Variants in GPBP1L1 observed in about 807,000 individuals in gnomAD.
The protein encoded by GPBP1L1 is GC-rich promoter binding protein 1 like 1.
In GPBP1L1, 23 loss-of-function variants were observed where a neutral mutation model predicts 52.5. That is an observed-to-expected ratio of 0.44 (90% CI 0.32 to 0.62). GPBP1L1 has a LOEUF of 0.62. GPBP1L1 is among the 20% of genes least tolerant of loss of function. The pLI is 0.06. For missense variants in GPBP1L1, 596 were observed against 579.3 expected (o/e 1.03, Z -0.30); for synonymous variants, 243 against 203.1 (o/e 1.20, Z -1.67).
intron 7 of GPBP1L1, among the ~76,000 whole-genome samples, chr1:45,641,274 G>A (rs1335074497): frequency 6.6e-6 from 1 of 152,086 alleles, no homozygotes; most frequent in Non-Finnish European, 1.5e-5. Context: ...GTCTAATGAA[G>A]AAACCAGGAG....
intron 8 of GPBP1L1, among the ~76,000 whole-genome samples, chr1:45,636,729 G>A (rs1204727258): frequency 2.0e-5 from 3 of 152,218 alleles, no homozygotes; most frequent in East Asian, 3.8e-4. Flanking sequence ...GTCAAGAAGA[G>A]TTTAGCAAAA....
In GPBP1L1 at chr1:45,686,471, C is replaced by G. The variant is rs549269584; in HGVS notation, c.-1202G>C. On this transcript the variant is annotated 5_prime_UTR_variant, in exon 1 of 13. Transcript: ENST00000355105. ...GCTGCGTCTGAGGACGCGTCCCCAGCTTGTCGACCCGGCAGAGGCGGCTAG... is the reference window on the plus strand; with the variant it reads ...GCTGCGTCTGAGGACGCGTCCCCAGGTTGTCGACCCGGCAGAGGCGGCTAG... The G allele has an allele frequency of 1.3e-5, 2 of 152,490 alleles. No homozygotes were observed. The highest frequency in any genetic ancestry group is 3.9e-4 in the East Asian group (2 of 5,186). The allele number at this position is 152,490 out of a possible 1,614,324, so 9.4% of individuals were successfully genotyped here. A position where few individuals can be genotyped will look rare whatever the true frequency, so the allele number is the denominator to read the frequency against.
At chr1:45,665,971 A>C (rs1557715785) in intron 2 of GPBP1L1, among the ~76,000 whole-genome samples, 2 of 151,920 alleles carry the variant, frequency 1.3e-5, no homozygotes, top group African/African-American at 4.8e-5. Context: ...CCCTGCTCAA[A>C]AAGTTCTGAT....
intron 4 of GPBP1L1, 137 bp from the exon 5 acceptor site, chr1:45,655,456 C>T (rs890861250): frequency 3.3e-6 from 3 of 908,214 alleles, no homozygotes; most frequent in African/African-American, 1.7e-5. Flanking sequence ...CATATGGACC[C>T]TAAGGGTACC....
intron 8 of GPBP1L1, among the ~76,000 whole-genome samples, chr1:45,638,865 G>GA (rs1001715175): frequency 5.3e-5 from 8 of 152,016 alleles, no homozygotes; most frequent in African/African-American, 1.7e-4. Context: ...CCGGGTAAGA[G>GA]AAAAAAGGGG....
chr1:45,655,845 C>A (rs1353379546), intron 4 of GPBP1L1: 1 of 153,880 alleles, frequency 6.5e-6, no homozygotes, highest in East Asian at 1.9e-4. Flanking sequence ...TCAAAGCTCA[C>A]TACAGCTGCT....
Position 45,677,273 on chromosome 1 carries a change from T to C in GPBP1L1, c.-1098+8303A>G, listed in dbSNP as rs564156458. On this transcript the variant is annotated intron_variant, in intron 2 of 12. Coordinates refer to ENST00000355105, the MANE Select transcript of GPBP1L1 (RefSeq NM_021639.5). ...ACTGCTTGAACCTAGGAGGCGGAGG[T>C]TGCAGTGAGTGAGCTGAGATTGCGC... 3.3e-5 allele frequency among the ~76,000 whole-genome samples: 5 copies of C among 150,138 alleles called. No homozygotes were observed. In the South Asian group the frequency reaches 1.1e-3, roughly 32 times the overall value.
intron 2 of GPBP1L1, among the ~76,000 whole-genome samples, chr1:45,683,308 C>A (rs1569901442): frequency 7.0e-6 from 1 of 142,220 alleles, no homozygotes; most frequent in Non-Finnish European, 1.5e-5. Context: ...CGGATTCATG[C>A]CATTCTCCAG....
chr1:45,662,169 G>A (rs1644954690), intron 2 of GPBP1L1, among the ~76,000 whole-genome samples: 1 of 152,112 alleles, frequency 6.6e-6, no homozygotes. Flanking sequence ...TCACCCTATT[G>A]CCTAGGCTGG....
At chr1:45,639,122 T>G (rs1375649892) in intron 8 of GPBP1L1, among the ~76,000 whole-genome samples, 1 of 152,136 alleles carries the variant, frequency 6.6e-6, no homozygotes, top group African/African-American at 2.4e-5. Flanking sequence ...TATCTGGCCC[T>G]TCATAGAAAA....
chr1:45,655,043 T>C (rs1644868076), intron 5 of GPBP1L1, 147 bp downstream of exon 5: 2 of 1,049,270 alleles, frequency 1.9e-6, no homozygotes, highest in East Asian at 2.4e-5. Flanking sequence ...AGAAAGCCAA[T>C]GTAGTTGCGT....
chr1:45,629,454 T>TCCAC lies in GPBP1L1; in HGVS notation c.1272+121_1272+122insGTGG. ...CCCCACTACATTTCTACTAAGGTAA[T>TCCAC]CCCCCCCCCCCCCACCCGATCTTTC... On this transcript the variant is annotated intron_variant, in intron 12 of 12. Coordinates refer to ENST00000355105, the MANE Select transcript of GPBP1L1 (RefSeq NM_021639.5). The TCCAC allele has an allele frequency of 4.3e-5, 5 of 115,396 alleles. 1 individual carries two copies. Among genetic ancestry groups the TCCAC allele is most frequent in the Admixed American group, 2.4e-4 (2 of 8,486 alleles). The allele number at this position is 115,396 out of a possible 1,614,324, so 7.1% of individuals were successfully genotyped here.
At chr1:45,652,454 A>C (rs909112861) in intron 6 of GPBP1L1, among the ~76,000 whole-genome samples, 9 of 152,182 alleles carry the variant, frequency 5.9e-5, no homozygotes, top group Non-Finnish European at 1.2e-4. Context: ...AAAAGGTACA[A>C]TTACTTCTAC....
At chr1:45,670,917 C>T (rs1213475525) in intron 2 of GPBP1L1, among the ~76,000 whole-genome samples, 1 of 151,180 alleles carries the variant, frequency 6.6e-6, no homozygotes, top group East Asian at 2.0e-4. Context: ...CTCAGCCTCC[C>T]GAGTAGCTGG....
At position 45,655,322 on chromosome 1, in the gene GPBP1L1, A is replaced by C; in HGVS notation, c.61-3T>G. ...TTTTCGAAGGTGGCAGTAGGTGACT[A>C]AGATGATGAAGTATGGAGAGGCAAA... On this transcript the variant is annotated splice_region_variant and splice_polypyrimidine_tract_variant and intron_variant, in intron 4 of 12. Transcript: ENST00000355105. 1 of 1,613,992 alleles carries C rather than the reference A, an allele frequency of 6.2e-7. No homozygotes were observed. Among genetic ancestry groups the C allele is most frequent in the African/African-American group, 1.3e-5 (1 of 75,040 alleles).
At chr1:45,639,876 T>A (rs1360980115) in intron 8 of GPBP1L1, among the ~76,000 whole-genome samples, 1 of 150,766 alleles carries the variant, frequency 6.6e-6, no homozygotes, top group Non-Finnish European at 1.5e-5. Flanking sequence ...AGGCTCCATC[T>A]CAAAAAAACA....
intron 3 of GPBP1L1, among the ~76,000 whole-genome samples, chr1:45,659,673 G>A (rs375219162): frequency 1.6e-4 from 24 of 152,326 alleles, no homozygotes; most frequent in African/African-American, 5.5e-4. Flanking sequence ...GCTGGGCACG[G>A]TGGCTCACAC....
chr1:45,658,349 C>T (rs1051329437), intron 4 of GPBP1L1, among the ~76,000 whole-genome samples: 32 of 152,278 alleles, frequency 2.1e-4, no homozygotes, highest in African/African-American at 7.2e-4. Context: ...TTTACTTCTG[C>T]CCCTTTGACC....
At chr1:45,678,165 A>G (rs1645169651) in intron 2 of GPBP1L1, among the ~76,000 whole-genome samples, 1 of 152,220 alleles carries the variant, frequency 6.6e-6, no homozygotes, top group African/African-American at 2.4e-5. Flanking sequence ...ATGAAGAATG[A>G]CTGGTAATGG....
Sources: allele counts gnomAD v4.1 joint callset (sites outside exome capture counted in the v4.1 genomes callset), GRCh38; gene constraint gnomAD v4.1.1; transcripts MANE v1.5; gene names NCBI Gene and HGNC (gene_info 2026-07-23, HGNC 2026-07-21).